GABRB2: variants seen among roughly 807,000 people sequenced by gnomAD.
The protein encoded by GABRB2 is gamma-aminobutyric acid type A receptor subunit beta2, also known as gamma-aminobutyric acid receptor subunit beta-2.
Under a neutral mutation model 54.7 loss-of-function variants are expected in GABRB2, and 16 were observed. The observed-to-expected ratio is 0.29, with a 90% CI of 0.20 to 0.44. The LOEUF is 0.44. Ranked by LOEUF, GABRB2 falls within the 20% of genes least tolerant of loss-of-function variation. GABRB2 has a pLI of 1.00. For missense variants in GABRB2, 355 were observed against 644.0 expected (o/e 0.55, Z 4.86); for synonymous variants, 244 against 233.8 (o/e 1.04, Z -0.40).
At chr5:161,452,403 G>T (rs904373246) in intron 4 of GABRB2, among the ~76,000 whole-genome samples, 2 of 152,144 alleles carry the variant, frequency 1.3e-5, no homozygotes, top group African/African-American at 4.8e-5. Context: ...GAATGCAGGT[G>T]TTCTGATTTC....
At chr5:161,299,519 G>A (rs1757474923) in intron 9 of GABRB2, among the ~76,000 whole-genome samples, 1 of 152,156 alleles carries the variant, frequency 6.6e-6, no homozygotes, top group Non-Finnish European at 1.5e-5. Flanking sequence ...CTAAAATGAA[G>A]AGTCTGTGAT....
chr5:161,395,103 AG>A (rs1325518764), intron 5 of GABRB2, among the ~76,000 whole-genome samples: 1 of 152,168 alleles, frequency 6.6e-6, no homozygotes, highest in African/African-American at 2.4e-5. Context: ...TGAAGAAGAA[AG>A]GATATGATCA....
At position 161,396,998 on chromosome 5, in the gene GABRB2, G is replaced by T. The variant is rs56203934; in HGVS notation, c.541+13977C>A. Among the ~76,000 whole-genome samples, 665 of 152,290 alleles carry T rather than the reference G, an allele frequency of 4.4e-3. 8 individuals carry two copies. The highest frequency in any genetic ancestry group is 0.014 in the African/African-American group (590 of 41,566). On this transcript the variant is annotated intron_variant, in intron 5 of 9. Transcript: ENST00000393959. ...AATGTAAAGAGCTTACCTAGAATGT[G>T]TAGCACAAAATGACATTCTGAATAG... is the stretch of plus-strand genomic sequence containing the variant.
At chr5:161,466,087 T>G (rs575112027) in intron 3 of GABRB2, among the ~76,000 whole-genome samples, 2 of 152,192 alleles carry the variant, frequency 1.3e-5, no homozygotes, top group East Asian at 1.9e-4. Flanking sequence ...GTCAGTTTTT[T>G]TTGTTGTTGT....
At chr5:161,455,175 T>C (rs2113249210) in intron 4 of GABRB2, among the ~76,000 whole-genome samples, 1 of 152,292 alleles carries the variant, frequency 6.6e-6, no homozygotes, top group Non-Finnish European at 1.5e-5. Flanking sequence ...ATGAGTAGAC[T>C]TAGAGCTCTT....
At chr5:161,409,972 A>C (rs1756459018) in intron 5 of GABRB2, among the ~76,000 whole-genome samples, 2 of 152,260 alleles carry the variant, frequency 1.3e-5, no homozygotes, top group South Asian at 4.1e-4. Flanking sequence ...TATCTTTTAA[A>C]TTGGGCAAAA....
upstream of GABRB2, chr5:161,546,798 T>C: frequency 7.1e-7 from 1 of 1,407,056 alleles, no homozygotes; most frequent in Admixed American, 3.0e-5. Flanking sequence ...CAGATTTCCT[T>C]GTTTAAAAAA....
chr5:161,313,611 C>T (rs1387348328), intron 9 of GABRB2, among the ~76,000 whole-genome samples: 2 of 151,770 alleles, frequency 1.3e-5, no homozygotes, highest in Admixed American at 6.6e-5. Context: ...TGGGAAAAGT[C>T]AGAGTTCTGC....
At chr5:161,495,724 A>G (rs981894244) in intron 3 of GABRB2, among the ~76,000 whole-genome samples, 1 of 152,108 alleles carries the variant, frequency 6.6e-6, no homozygotes, top group Admixed American at 6.6e-5. Flanking sequence ...AGATAAAGTC[A>G]GGGGCAACTC....
At chr5:161,319,192 T>C (rs1758135215) in intron 9 of GABRB2, among the ~76,000 whole-genome samples, 1 of 150,688 alleles carries the variant, frequency 6.6e-6, no homozygotes, top group Non-Finnish European at 1.5e-5. Flanking sequence ...TAGCCTGAAC[T>C]GTTCCATCCT....
chr5:161,399,316 A>G (rs1403614184), intron 5 of GABRB2, among the ~76,000 whole-genome samples: 2 of 152,124 alleles, frequency 1.3e-5, no homozygotes, highest in Admixed American at 1.3e-4. Context: ...GTCCTGAATT[A>G]CCACAAACTA....
At chr5:161,330,510 T>C (rs1271926736) in intron 8 of GABRB2, 1 of 162,914 alleles carries the variant, frequency 6.1e-6, no homozygotes, top group African/African-American at 2.4e-5. Context: ...ACTTATATAT[T>C]TGTAAAGCTA....
chr5:161,527,173 A>G (rs759909017), intron 3 of GABRB2, among the ~76,000 whole-genome samples: 2 of 151,488 alleles, frequency 1.3e-5, no homozygotes, highest in Admixed American at 6.6e-5. Context: ...ATTACAGGGT[A>G]GAAACACAGA....
intron 4 of GABRB2, among the ~76,000 whole-genome samples, chr5:161,447,031 G>C (rs1176710740): frequency 1.3e-5 from 2 of 152,100 alleles, no homozygotes; most frequent in Non-Finnish European, 2.9e-5. Context: ...GTCAAGGCTG[G>C]TACCAGCAGT....
Position 161,500,139 on chromosome 5 carries a change from C to T in GABRB2, c.238-40295G>A, listed in dbSNP as rs375300742. Among the ~76,000 whole-genome samples, 279 of 152,138 alleles carry T rather than the reference C, an allele frequency of 1.8e-3. 3 individuals carry two copies. Among genetic ancestry groups the T allele is most frequent in the African/African-American group, 6.3e-3 (263 of 41,498 alleles). ...TTTATCACCCTGAGGATAATGTTCC[C>T]GAGTCCACTACAGAGAATGGCACTG... On this transcript the variant is annotated intron_variant, in intron 3 of 9. Transcript: ENST00000393959.
chr5:161,545,599 C>G (rs905673061), intron 2 of GABRB2, among the ~76,000 whole-genome samples: 14 of 152,092 alleles, frequency 9.2e-5, no homozygotes, highest in African/African-American at 3.4e-4. Flanking sequence ...AAGAATCCTT[C>G]TAGTCTAAGG....
intron 5 of GABRB2, among the ~76,000 whole-genome samples, chr5:161,402,938 C>T (rs1580955399): frequency 6.6e-6 from 1 of 151,936 alleles, no homozygotes; most frequent in Admixed American, 6.6e-5. Context: ...TGTGGTGTGG[C>T]CTGATCATTT....
chr5:161,499,008 C>T (rs1317384047), intron 3 of GABRB2, among the ~76,000 whole-genome samples: 2 of 152,086 alleles, frequency 1.3e-5, no homozygotes, highest in East Asian at 1.9e-4. Flanking sequence ...GAATGTTTAC[C>T]CCCACATCCA....
intron 3 of GABRB2, among the ~76,000 whole-genome samples, chr5:161,479,995 C>T (rs1758711001): frequency 6.6e-6 from 1 of 152,134 alleles, no homozygotes; most frequent in Non-Finnish European, 1.5e-5. Context: ...CACCCATACA[C>T]ACACAGACTT....
Sources: gnomAD v4.1 joint callset for allele counts (sites outside exome capture counted in the v4.1 genomes callset) on GRCh38, gnomAD v4.1.1 for gene constraint, MANE v1.5 for transcripts, NCBI Gene and HGNC (gene_info 2026-07-23, HGNC 2026-07-21) for gene names.